STIM1: variants seen among roughly 807,000 people sequenced by gnomAD.
The protein encoded by STIM1 is stromal interaction molecule 1.
Under a neutral mutation model 74.7 loss-of-function variants are expected in STIM1, and 25 were observed. The observed-to-expected ratio is 0.33, with a 90% CI of 0.24 to 0.47. The LOEUF is 0.47. Ranked by LOEUF, STIM1 falls within the 20% of genes least tolerant of loss-of-function variation. The probability of loss-of-function intolerance (pLI) is 1.00; values close to 1 mark genes in which losing one functional copy is unlikely to be tolerated. For missense variants in STIM1, 728 were observed against 920.8 expected (o/e 0.79, Z 2.71); for synonymous variants, 328 against 348.8 (o/e 0.94, Z 0.66).
At chr11:3,898,996 T>G in intron 1 of STIM1, among the ~76,000 whole-genome samples, 1 of 151,942 alleles carries the variant, frequency 6.6e-6, no homozygotes, top group Non-Finnish European at 1.5e-5. Context: ...CTTGGCGATG[T>G]GGGCTCTTTT....
chr11:4,032,439 A>G (rs555112297), intron 3 of STIM1, among the ~76,000 whole-genome samples: 3 of 152,226 alleles, frequency 2.0e-5, no homozygotes, highest in Non-Finnish European at 4.4e-5. Context: ...TTTGATTACC[A>G]TAGAATTATA....
intron 2 of STIM1, among the ~76,000 whole-genome samples, chr11:4,018,499 G>A (rs1366826097): frequency 3.5e-5 from 5 of 142,182 alleles, no homozygotes; most frequent in South Asian, 2.3e-4. Flanking sequence ...AACAAAATTA[G>A]CCAGGAGTGG....
intron 1 of STIM1, among the ~76,000 whole-genome samples, chr11:3,921,537 T>G (rs2092717914): frequency 6.6e-6 from 1 of 152,224 alleles, no homozygotes; most frequent in South Asian, 2.1e-4. Flanking sequence ...ACTGGAGGCC[T>G]TGGTAAGATG....
At chr11:4,033,800 C>T (rs543201490) in intron 3 of STIM1, among the ~76,000 whole-genome samples, 5 of 151,610 alleles carry the variant, frequency 3.3e-5, no homozygotes, top group South Asian at 2.1e-4. Flanking sequence ...GGGGTTTCAC[C>T]GTGTTAGCCA....
intron 2 of STIM1, among the ~76,000 whole-genome samples, 175 bp from the exon 3 acceptor site, chr11:4,023,698 G>A (rs1403510155): frequency 6.6e-6 from 1 of 152,182 alleles, no homozygotes; most frequent in African/African-American, 2.4e-5. Context: ...GGAAGTGATA[G>A]TTTAGTTGGC....
intron 1 of STIM1, among the ~76,000 whole-genome samples, chr11:3,881,856 A>G (rs1189518900): frequency 6.6e-6 from 1 of 151,460 alleles, no homozygotes; most frequent in African/African-American, 2.4e-5. Context: ...TATTTTTACT[A>G]GAGACGGGGT....
chr11:3,934,943 T>G (rs1206238347), intron 1 of STIM1, among the ~76,000 whole-genome samples: 1 of 152,242 alleles, frequency 6.6e-6, no homozygotes, highest in Admixed American at 6.5e-5. Flanking sequence ...CTCCTTGGTT[T>G]GCAGGTTTGG....
At chr11:4,012,801 C>A (rs996423041) in intron 2 of STIM1, among the ~76,000 whole-genome samples, 3 of 152,144 alleles carry the variant, frequency 2.0e-5, no homozygotes, top group Admixed American at 2.0e-4. Context: ...TTGTCTTGTG[C>A]CAGTTTTCAA....
chr11:4,018,483 A>AC (rs1318875238), intron 2 of STIM1, among the ~76,000 whole-genome samples: 24 of 149,072 alleles, frequency 1.6e-4, no homozygotes, highest in Non-Finnish European at 3.0e-4. Flanking sequence ...AAAAAAAAAA[A>AC]AAACAAACAA....
chr11:3,897,008 C>G (rs1420560814), intron 1 of STIM1, among the ~76,000 whole-genome samples: 1 of 152,150 alleles, frequency 6.6e-6, no homozygotes, highest in Non-Finnish European at 1.5e-5. Flanking sequence ...TTATCACTGT[C>G]TAATCTGTTT....
chr11:3,987,058 A>G (rs1444804546), intron 2 of STIM1, among the ~76,000 whole-genome samples: 2 of 152,170 alleles, frequency 1.3e-5, no homozygotes, highest in African/African-American at 4.8e-5. Flanking sequence ...CACTGGTAAG[A>G]TTAGAAGTTG....
intron 9 of STIM1, 55 bp from the exon 10 acceptor site, chr11:4,083,208 C>T (rs111464293): frequency 6.4e-7 from 1 of 1,558,986 alleles, no homozygotes; most frequent in Non-Finnish European, 8.8e-7. Flanking sequence ...AGGCTTCATT[C>T]CTATTGGGGC....
intron 3 of STIM1, among the ~76,000 whole-genome samples, chr11:4,034,620 T>C (rs1303122563): frequency 6.6e-6 from 1 of 152,220 alleles, no homozygotes; most frequent in Non-Finnish European, 1.5e-5. Context: ...GGTATCAGGA[T>C]AATGTTTGTC....
chr11:3,993,237 C>A (rs934723395), intron 2 of STIM1, among the ~76,000 whole-genome samples: 1 of 152,184 alleles, frequency 6.6e-6, no homozygotes, highest in African/African-American at 2.4e-5. Flanking sequence ...TCACTGTAGC[C>A]ACACTCTTTG....
chr11:3,972,994 C>T, intron 2 of STIM1: 1 of 509,946 alleles, frequency 2.0e-6, no homozygotes, highest in Non-Finnish European at 3.9e-6. Flanking sequence ...GCTTTCACTG[C>T]CACCAACAAA....
intron 1 of STIM1, among the ~76,000 whole-genome samples, chr11:3,899,157 G>C (rs1364538131): frequency 2.0e-5 from 3 of 152,174 alleles, no homozygotes; most frequent in Non-Finnish European, 2.9e-5. Flanking sequence ...AGCATGGAAT[G>C]TTCTTCCATT....
At chr11:3,902,853 GTGT>G (rs1371950734) in intron 1 of STIM1, among the ~76,000 whole-genome samples, 4 of 152,168 alleles carry the variant, frequency 2.6e-5, no homozygotes, top group Non-Finnish European at 5.9e-5. Context: ...ATTGCAATTG[GTGT>G]TGTGGATAGA....
At chr11:4,074,364 G>C (rs1391309349) in intron 6 of STIM1, 138 bp from the exon 7 acceptor site, 7 of 1,043,288 alleles carry the variant, frequency 6.7e-6, no homozygotes, top group African/African-American at 6.3e-5. Flanking sequence ...CTAGCTCAGA[G>C]CCAGACACAC....
At chr11:3,969,692 G>GT (rs1455600349) in intron 2 of STIM1, among the ~76,000 whole-genome samples, 1 of 152,192 alleles carries the variant, frequency 6.6e-6, no homozygotes, top group Non-Finnish European at 1.5e-5. Flanking sequence ...TGTAGAGGTA[G>GT]TAAGAAATAT....
Sources: allele counts gnomAD v4.1 joint callset (sites outside exome capture counted in the v4.1 genomes callset), GRCh38; gene constraint gnomAD v4.1.1; transcripts MANE v1.5; gene names NCBI Gene and HGNC (gene_info 2026-07-23, HGNC 2026-07-21).